The following PXDNL variants were observed in gnomAD, a reference collection of about 807,000 sequenced individuals.
PXDNL encodes the protein probable oxidoreductase PXDNL.
In PXDNL, 145 loss-of-function variants were observed where a neutral mutation model predicts 150.8. The ratio of observed to expected loss-of-function variants is 0.96; its 90% CI spans 0.84 to 1.10. PXDNL has a LOEUF of 1.10. Among genes scored for constraint, PXDNL ranks in the 50% least tolerant of loss-of-function variants. PXDNL has a pLI of 0.00. For missense variants in PXDNL, 2,087 were observed against 1,873.9 expected (o/e 1.11, Z -2.10); for synonymous variants, 757 against 725.7 (o/e 1.04, Z -0.69).
chr8:51,673,490 G>A (rs527480760), intron 1 of PXDNL, among the ~76,000 whole-genome samples: 1 of 152,218 alleles, frequency 6.6e-6, no homozygotes, highest in South Asian at 2.1e-4. Context: ...AAAAAGATAA[G>A]AAGAAAGATC....
chr8:51,588,189 A>G (rs1249972753), intron 3 of PXDNL, among the ~76,000 whole-genome samples: 1 of 152,198 alleles, frequency 6.6e-6, no homozygotes, highest in African/African-American at 2.4e-5. Context: ...AGAGCAATGG[A>G]TCAAGTATAA....
intron 17 of PXDNL, among the ~76,000 whole-genome samples, chr8:51,402,859 G>C (rs879522357): frequency 5.9e-5 from 9 of 151,684 alleles, no homozygotes; most frequent in Non-Finnish European, 1.3e-4. Flanking sequence ...TCAGGAGATC[G>C]AGACCATCCT....
Position 51,774,552 on chromosome 8 carries a change from C to T in PXDNL, c.164+34629G>A, listed in dbSNP as rs2037331360. Among the ~76,000 whole-genome samples the T allele has an allele frequency of 2.0e-5, 3 of 152,338 alleles. No homozygotes were observed. The East Asian group carries it at 5.8e-4, about 29-fold the overall frequency. ...TAAATTAGGGGGCTGAGCACAGTGG[C>T]TCATGCCTGTAATCCTAGCACTTTG... On this transcript the variant is annotated intron_variant, in intron 1 of 22. Coordinates refer to ENST00000356297, the MANE Select transcript of PXDNL (RefSeq NM_144651.5).
intron 4 of PXDNL, among the ~76,000 whole-genome samples, chr8:51,549,878 A>G (rs1283037487): frequency 6.6e-6 from 1 of 152,044 alleles, no homozygotes. Context: ...AATACAAAAG[A>G]CACAAAAACA....
At chr8:51,610,803 T>A (rs549247664) in intron 2 of PXDNL, among the ~76,000 whole-genome samples, 7 of 152,314 alleles carry the variant, frequency 4.6e-5, no homozygotes, top group African/African-American at 1.7e-4. Flanking sequence ...TGGACACATT[T>A]CTCCATAGGC....
At chr8:51,496,861 A>C (rs1003591010) in intron 5 of PXDNL, among the ~76,000 whole-genome samples, 1 of 152,232 alleles carries the variant, frequency 6.6e-6, no homozygotes, top group Admixed American at 6.5e-5. Flanking sequence ...CCAACTGCCC[A>C]AGGTAATTTA....
intron 12 of PXDNL, among the ~76,000 whole-genome samples, chr8:51,429,222 A>C (rs1286947144): frequency 6.6e-6 from 1 of 152,172 alleles, no homozygotes; most frequent in African/African-American, 2.4e-5. Context: ...TTACTCATAC[A>C]TTGTTGGTGG....
intron 3 of PXDNL, among the ~76,000 whole-genome samples, chr8:51,572,138 T>C (rs111597074): frequency 1.3e-5 from 2 of 152,010 alleles, no homozygotes; most frequent in African/African-American, 4.8e-5. Context: ...CATCATAAGT[T>C]AAGCAGCACT....
chr8:51,599,403 G>C (rs905718616), intron 2 of PXDNL, among the ~76,000 whole-genome samples: 13 of 151,228 alleles, frequency 8.6e-5, no homozygotes, highest in Admixed American at 2.0e-4. Flanking sequence ...CATTGCTTTT[G>C]TTTTGATATG....
Position 51,457,650 on chromosome 8 carries a change from T to C in PXDNL, c.830A>G (p.Glu277Gly), listed in dbSNP as rs1254220271. ...AAACACATTAAGTCGAGTATCATCT[T>C]CCAAATCCAATGAGTGGCTGGAAAT... ...WIHNNHSLDL[E>G]DDTRLNVFDD... Residue 277 changes from glutamate (E) to glycine (G), a missense_variant, in exon 9 of 23, where the codon GAA (glutamate) becomes GGA (glycine). Physicochemically the swap from Glu to Gly is moderately conservative, Grantham distance 98. Transcript: ENST00000356297. 7 of 1,613,112 alleles carry C rather than the reference T, an allele frequency of 4.3e-6. No homozygotes were observed. In the South Asian group the frequency reaches 6.6e-5, roughly 15 times the overall value.
chr8:51,681,477 T>C (rs968612376), intron 1 of PXDNL, among the ~76,000 whole-genome samples: 4 of 152,224 alleles, frequency 2.6e-5, no homozygotes, highest in African/African-American at 9.6e-5. Context: ...TAGAGGAGTC[T>C]ACATGCATCC....
Position 51,535,442 on chromosome 8 carries a change from A to T in PXDNL, c.380+21398T>A, listed in dbSNP as rs1451004534. Among the ~76,000 whole-genome samples, 3 of 107,108 alleles carry T rather than the reference A, an allele frequency of 2.8e-5. No homozygotes were observed. In the Admixed American group the frequency reaches 2.8e-4, roughly 10 times the overall value. 70.3% of individuals were successfully genotyped at this position (107,108 alleles called of 152,430 possible). On this transcript the variant is annotated intron_variant, in intron 4 of 22. Coordinates refer to ENST00000356297, the MANE Select transcript of PXDNL (RefSeq NM_144651.5). ...TCCCCAACCCTGTGCTCTCTGAAAC[A>T]TGTGCTGTGTCCACTCAGGGTTAAA...
chr8:51,445,896 T>C (rs1422359831), intron 12 of PXDNL, among the ~76,000 whole-genome samples: 1 of 152,068 alleles, frequency 6.6e-6, no homozygotes, highest in Non-Finnish European at 1.5e-5. Flanking sequence ...TTTCCACAAT[T>C]GTATTTTCAA....
chr8:51,668,172 C>CTTTTTTTT (rs765738861), intron 1 of PXDNL, among the ~76,000 whole-genome samples: 85 of 26,116 alleles, frequency 3.3e-3, no homozygotes, highest in Non-Finnish European at 3.5e-3. Context: ...CCTTCTCGCT[C>CTTTTTTTT]TCTCTTTTTT....
chr8:51,553,639 T>A (rs1485179522), intron 4 of PXDNL, among the ~76,000 whole-genome samples: 1 of 151,838 alleles, frequency 6.6e-6, no homozygotes, highest in African/African-American at 2.4e-5. Context: ...TTACAGTGAA[T>A]TGAACCGCTT....
intron 1 of PXDNL, among the ~76,000 whole-genome samples, chr8:51,727,925 C>A (rs1024345227): frequency 6.6e-6 from 1 of 152,194 alleles, no homozygotes; most frequent in African/African-American, 2.4e-5. Context: ...AATTTATTTT[C>A]TCTAAAGTTT....
chr8:51,396,634 G>A lies in PXDNL; in HGVS notation c.3557+11433C>T, dbSNP rs139627754. Among the ~76,000 whole-genome samples the A allele has an allele frequency of 1.8e-4, 27 of 152,292 alleles. No homozygotes were observed. In the East Asian group the frequency reaches 4.6e-3, roughly 26 times the overall value. ...TAGCCGGGCATAGTGGTGCATGCCT[G>A]TAATCCCAGATACTCGGGAGGCTGA... is the stretch of plus-strand genomic sequence containing the variant. On this transcript the variant is annotated intron_variant, in intron 17 of 22. Transcript: ENST00000356297.
intron 2 of PXDNL, among the ~76,000 whole-genome samples, chr8:51,622,274 TC>T (rs1814275144): frequency 6.6e-6 from 1 of 152,082 alleles, no homozygotes; most frequent in Non-Finnish European, 1.5e-5. Context: ...AGTAGGTGTT[TC>T]CCCAGAGCCT....
At chr8:51,398,656 C>T (rs990460273) in intron 17 of PXDNL, among the ~76,000 whole-genome samples, 11 of 152,198 alleles carry the variant, frequency 7.2e-5, no homozygotes, top group African/African-American at 2.7e-4. Flanking sequence ...AGGCAACATT[C>T]CTGGGGTTTC....
Sources: gnomAD v4.1 joint callset for allele counts (sites outside exome capture counted in the v4.1 genomes callset) on GRCh38, gnomAD v4.1.1 for gene constraint, MANE v1.5 for transcripts, NCBI Gene and HGNC (gene_info 2026-07-23, HGNC 2026-07-21) for gene names.